The following AFAP1 variants were observed in gnomAD, a reference collection of about 807,000 sequenced individuals.
AFAP1 encodes actin filament associated protein 1.
Under a neutral mutation model 93.9 loss-of-function variants are expected in AFAP1, and 75 were observed. The observed-to-expected ratio is 0.80, with a 90% CI of 0.66 to 0.97. The LOEUF (loss-of-function observed/expected upper bound fraction) is 0.97, where lower values mean the gene tolerates loss of function less well. Among genes scored for constraint, AFAP1 ranks in the 50% least tolerant of loss-of-function variants. The pLI, the probability that AFAP1 is intolerant of heterozygous loss-of-function variation, is 0.00. For synonymous variants in AFAP1, 517 were observed against 430.7 expected (o/e 1.20, Z -2.48); for missense variants, 1,201 against 1,050.8 (o/e 1.14, Z -1.98).
chr4:7,802,352 G>A (rs896397869), intron 9 of AFAP1, among the ~76,000 whole-genome samples: 1 of 152,228 alleles, frequency 6.6e-6, no homozygotes, highest in Non-Finnish European at 1.5e-5. Context: ...CTCGATCCAA[G>A]CTCCTTGTAT....
intron 17 of AFAP1, among the ~76,000 whole-genome samples, chr4:7,765,092 A>T (rs939241523): frequency 6.6e-6 from 1 of 151,026 alleles, no homozygotes; most frequent in African/African-American, 2.4e-5. Context: ...CAACAGAGCA[A>T]GACCCTGTCT....
rs6829537 is a variant in AFAP1 at position 7,927,362 on chromosome 4, C to T, written c.-3+12294G>A. ...GCACTGGCTGTGTGATGTTGGACAA[C>T]GTCCCCAGCCTCTCTGTGGTTCAGT... On this transcript the variant is annotated intron_variant, in intron 1 of 17. Transcript: ENST00000420658. Among the ~76,000 whole-genome samples, 745 of 152,252 alleles carry T rather than the reference C, an allele frequency of 4.9e-3. 4 individuals are homozygous for T. The highest frequency in any genetic ancestry group is 0.015 in the African/African-American group (642 of 41,526).
intron 6 of AFAP1, among the ~76,000 whole-genome samples, chr4:7,826,878 T>G (rs1482790426): frequency 6.6e-6 from 1 of 152,120 alleles, no homozygotes; most frequent in East Asian, 1.9e-4. Context: ...ACGCATGGAA[T>G]GTCATGGAAA....
intron 1 of AFAP1, among the ~76,000 whole-genome samples, chr4:7,927,236 C>A (rs531380433): frequency 1.3e-5 from 2 of 152,302 alleles, no homozygotes; most frequent in Admixed American, 6.5e-5. Context: ...CCATATCAGA[C>A]GCAAGGCTTG....
intron 1 of AFAP1, among the ~76,000 whole-genome samples, chr4:7,917,822 C>A (rs1560235493): frequency 6.6e-6 from 1 of 152,228 alleles, no homozygotes; most frequent in Non-Finnish European, 1.5e-5. Flanking sequence ...CCTCCTGCGT[C>A]TTTCACTGCA....
intron 7 of AFAP1, among the ~76,000 whole-genome samples, chr4:7,818,443 G>A (rs1379028343): frequency 1.3e-5 from 2 of 152,198 alleles, no homozygotes; most frequent in Non-Finnish European, 2.9e-5. Context: ...TAGAGAGGGA[G>A]GGCTCAGAAA....
intron 6 of AFAP1, among the ~76,000 whole-genome samples, chr4:7,828,308 C>T (rs529026788): frequency 3.3e-5 from 5 of 152,338 alleles, no homozygotes; most frequent in South Asian, 2.1e-4. Flanking sequence ...GACTCTGCTA[C>T]GTCCTGATGA....
chr4:7,879,950 C>G (rs1048952468), intron 1 of AFAP1, among the ~76,000 whole-genome samples: 1 of 152,096 alleles, frequency 6.6e-6, no homozygotes, highest in African/African-American at 2.4e-5. Flanking sequence ...CAGACATGCG[C>G]CCCGCCGCCC....
intron 1 of AFAP1, among the ~76,000 whole-genome samples, chr4:7,928,398 T>C (rs969171635): frequency 6.6e-6 from 1 of 150,684 alleles, no homozygotes; most frequent in East Asian, 1.9e-4. Context: ...GTTTTTTTGG[T>C]TTTTTTTGAG....
At position 7,858,754 on chromosome 4, in the gene AFAP1, G is replaced by A. The variant is rs571606822; in HGVS notation, c.226-3180C>T. Among the ~76,000 whole-genome samples, 11 of 152,106 alleles carry A rather than the reference G, an allele frequency of 7.2e-5. No homozygotes were observed. In the South Asian group the frequency reaches 1.7e-3, roughly 23 times the overall value. ...CTCTGCAACCTTGCCAAGACTCCACGTGCCCATTCCCTCACCTAAAACAAG... is the reference window on the plus strand; with the variant it reads ...CTCTGCAACCTTGCCAAGACTCCACATGCCCATTCCCTCACCTAAAACAAG... On this transcript the variant is annotated intron_variant, in intron 3 of 17. Coordinates refer to ENST00000420658, the MANE Select transcript of AFAP1 (RefSeq NM_001134647.2).
chr4:7,887,401 TG>T (rs1560220566), intron 1 of AFAP1, among the ~76,000 whole-genome samples: 1 of 152,164 alleles, frequency 6.6e-6, no homozygotes, highest in Non-Finnish European at 1.5e-5. Flanking sequence ...GAAATGACGA[TG>T]GGTGTTACAG....
intron 1 of AFAP1, among the ~76,000 whole-genome samples, chr4:7,884,872 A>G (rs968359246): frequency 6.6e-6 from 1 of 152,204 alleles, no homozygotes; most frequent in Non-Finnish European, 1.5e-5. Flanking sequence ...ACAAACATGG[A>G]TTACGGACTC....
intron 1 of AFAP1, among the ~76,000 whole-genome samples, chr4:7,902,747 G>A (rs1719186724): frequency 6.6e-6 from 1 of 152,304 alleles, no homozygotes. Context: ...TAGCAGTAAG[G>A]CAGGGAGTGC....
In AFAP1 at chr4:7,843,284, C is replaced by G. The variant is rs142081499; in HGVS notation, c.401G>C (p.Gly134Ala). ...GGGCCACTGGTGCCGGGTTTTCTTC[C>G]CCTTCCCATCCTCCTCCTCTTCATC... ...SYDEEEEDGK[G>A]KKTRHQWPSE... The change falls in exon 5 of 18, where the codon GGG becomes GCG. Residue 134 changes from glycine (G) to alanine (A), a missense_variant. Gly to Ala is a moderately conservative substitution (Grantham distance 60). Coordinates refer to ENST00000420658, the MANE Select transcript of AFAP1 (RefSeq NM_001134647.2). 1.4e-4 allele frequency: 232 copies of G among 1,614,118 alleles called. 1 individual carries two copies. The African/African-American group carries it at 2.5e-3, about 18-fold the overall frequency.
At chr4:7,841,341 T>C (rs4689167) in intron 5 of AFAP1, among the ~76,000 whole-genome samples, 1 of 152,050 alleles carries the variant, frequency 6.6e-6, no homozygotes, top group Non-Finnish European at 1.5e-5. Flanking sequence ...GAGGGAGCTC[T>C]GCCTTGGGCT....
At chr4:7,880,522 C>T (rs972330424) in intron 1 of AFAP1, among the ~76,000 whole-genome samples, 1 of 152,210 alleles carries the variant, frequency 6.6e-6, no homozygotes, top group Non-Finnish European at 1.5e-5. Flanking sequence ...TGATGATCCA[C>T]CCACCTAGGC....
At chr4:7,923,334 A>G (rs1720539054) in intron 1 of AFAP1, among the ~76,000 whole-genome samples, 1 of 152,202 alleles carries the variant, frequency 6.6e-6, no homozygotes, top group African/African-American at 2.4e-5. Flanking sequence ...CTTAAACGTT[A>G]GTTTATTTCC....
intron 4 of AFAP1, among the ~76,000 whole-genome samples, chr4:7,849,748 T>C (rs1714223293): frequency 2.6e-5 from 4 of 152,138 alleles, no homozygotes; most frequent in Admixed American, 2.6e-4. Context: ...GCATTTGGAG[T>C]GCAGAGAAAG....
At chr4:7,805,261 A>G (rs2149041213) in intron 9 of AFAP1, among the ~76,000 whole-genome samples, 1 of 152,210 alleles carries the variant, frequency 6.6e-6, no homozygotes, top group Non-Finnish European at 1.5e-5. Context: ...GCTTTCCTGA[A>G]TATCTACTAA....
Sources: allele counts gnomAD v4.1 joint callset (sites outside exome capture counted in the v4.1 genomes callset), GRCh38; gene constraint gnomAD v4.1.1; transcripts MANE v1.5; gene names NCBI Gene and HGNC (gene_info 2026-07-23, HGNC 2026-07-21).